The following EPHB1 variants were observed in gnomAD, a reference collection of about 807,000 sequenced individuals.
The protein encoded by EPHB1 is EPH receptor B1.
A neutral mutation model predicts 94.4 loss-of-function variants in EPHB1; 30 were observed. That is an observed-to-expected ratio of 0.32 (90% CI 0.24 to 0.43). The LOEUF is 0.43. EPHB1 is among the 20% of genes least tolerant of loss of function. The probability of loss-of-function intolerance (pLI) is 1.00; values close to 1 mark genes in which losing one functional copy is unlikely to be tolerated. For missense variants in EPHB1, 1,055 were observed against 1,308.3 expected, an observed-to-expected ratio of 0.81 and a Z score of 2.99; for synonymous variants, 522 against 489.1, an observed-to-expected ratio of 1.07 and a Z score of -0.89.
rs145929511 is a variant in EPHB1 at position 135,058,381 on chromosome 3, C to T, written c.806-48067C>T. Among the ~76,000 whole-genome samples, 296 of 152,292 alleles carry T rather than the reference C, an allele frequency of 1.9e-3. 1 individual carries two copies. The highest frequency in any genetic ancestry group is 6.3e-3 in the African/African-American group (260 of 41,552). On this transcript the variant is annotated intron_variant, in intron 3 of 15. Transcript: ENST00000398015. ...CTCCTCTCCTGTCCCTTCCCTGCTACGAATGGGCCCCTGTACATCCTGGGG... is the reference window on the plus strand; with the variant it reads ...CTCCTCTCCTGTCCCTTCCCTGCTATGAATGGGCCCCTGTACATCCTGGGG...
At chr3:134,815,241 A>G (rs1015631921) in intron 1 of EPHB1, among the ~76,000 whole-genome samples, 40 of 152,176 alleles carry the variant, frequency 2.6e-4, no homozygotes, top group Non-Finnish European at 2.5e-4. Flanking sequence ...CCAAATTTGT[A>G]ACTGCATTGT....
At chr3:134,824,047 G>C (rs759557403) in intron 1 of EPHB1, among the ~76,000 whole-genome samples, 1 of 151,526 alleles carries the variant, frequency 6.6e-6, no homozygotes, top group African/African-American at 2.4e-5. Context: ...GAATGCTTCA[G>C]CTTGCAAACT....
chr3:134,951,414 G>A lies in EPHB1; in HGVS notation c.167G>A (p.Arg56His), dbSNP rs1933024328. 7 of 1,597,806 alleles carry A rather than the reference G, an allele frequency of 4.4e-6. No individual in the cohort carries two copies. Among genetic ancestry groups the A allele is most frequent in the East Asian group, 2.2e-5 (1 of 44,680 alleles). The change falls in exon 3 of 16, where the codon CGC becomes CAC. Residue 56 changes from arginine to histidine, a missense_variant. By Grantham distance (29) the Arg-to-His change is conservative. Transcript: ENST00000398015. The surrounding 1 kb of genome is among the most constrained non-coding windows in gnomAD (Gnocchi z 4.5). Reference sequence around the variant, plus strand: ...TACGATGAAAACCTGAACACCATCCGCACCTACCAGGTGTGCAATGTCTTC... The same window carrying A: ...TACGATGAAAACCTGAACACCATCCACACCTACCAGGTGTGCAATGTCTTC... ...SGYDENLNTI[R>H]TYQVCNVFEP...
At chr3:134,874,878 C>G (rs1284185171) in intron 1 of EPHB1, among the ~76,000 whole-genome samples, 3 of 152,224 alleles carry the variant, frequency 2.0e-5, no homozygotes, top group Non-Finnish European at 4.4e-5. Flanking sequence ...GCAGTCATTG[C>G]TAAGCCCTCC....
intron 12 of EPHB1, among the ~76,000 whole-genome samples, chr3:135,236,568 C>A (rs1191009339): frequency 1.3e-5 from 2 of 152,138 alleles, no homozygotes; most frequent in Non-Finnish European, 2.9e-5. Context: ...ACTTTCACAA[C>A]AACCTCAATA....
Position 135,259,957 on chromosome 3 carries a change from G to A in EPHB1, c.*837G>A. 4.3e-6 allele frequency: 1 copy of A among 231,836 alleles called. No homozygotes were observed. The allele number at this position is 231,836 out of a possible 1,614,324, so 14.4% of individuals were successfully genotyped here. ...TGTCCCTAGGAAATCCAAAGGGGCTGGAATATGGTGTTGGTTTGGCTTTCT... is the reference window on the plus strand; with the variant it reads ...TGTCCCTAGGAAATCCAAAGGGGCTAGAATATGGTGTTGGTTTGGCTTTCT... On this transcript the variant is annotated 3_prime_UTR_variant, in exon 16 of 16. Coordinates refer to ENST00000398015, the MANE Select transcript of EPHB1 (RefSeq NM_004441.5).
At chr3:135,104,741 A>G (rs765250214) in intron 3 of EPHB1, among the ~76,000 whole-genome samples, 1 of 152,242 alleles carries the variant, frequency 6.6e-6, no homozygotes, top group Non-Finnish European at 1.5e-5. Flanking sequence ...CGTGGATCCC[A>G]TGGGACACAT....
At chr3:134,844,318 G>A (rs1382852038) in intron 1 of EPHB1, among the ~76,000 whole-genome samples, 1 of 152,174 alleles carries the variant, frequency 6.6e-6, no homozygotes, top group Non-Finnish European at 1.5e-5. Flanking sequence ...TCAAAATTCA[G>A]GTCATTTTGA....
intron 3 of EPHB1, among the ~76,000 whole-genome samples, chr3:135,078,967 G>A (rs1401386586): frequency 1.3e-5 from 2 of 152,050 alleles, no homozygotes; most frequent in Non-Finnish European, 2.9e-5. Context: ...ATTGGGATAA[G>A]AGTTCTTGTG....
intron 1 of EPHB1, among the ~76,000 whole-genome samples, chr3:134,862,190 C>T (rs764051128): frequency 1.1e-4 from 16 of 152,226 alleles, no homozygotes; most frequent in Non-Finnish European, 1.8e-4. Flanking sequence ...GCGCTGGGCT[C>T]AGGGCTGGGA....
chr3:134,826,420 C>T (rs112942612), intron 1 of EPHB1, among the ~76,000 whole-genome samples: 4 of 152,194 alleles, frequency 2.6e-5, no homozygotes, highest in Middle Eastern at 3.4e-3. Context: ...GGGGAAGATA[C>T]GGGCCTCTCC....
intron 1 of EPHB1, among the ~76,000 whole-genome samples, chr3:134,882,736 T>C: frequency 7.1e-6 from 1 of 141,342 alleles, no homozygotes. Flanking sequence ...CTTTCCTTCT[T>C]TCCTTCTTTC....
At chr3:134,959,966 C>CTTTTTTTTTTTTTTTTTTT (rs61369813) in intron 3 of EPHB1, among the ~76,000 whole-genome samples, 4 of 107,378 alleles carry the variant, frequency 3.7e-5, no homozygotes, top group Admixed American at 1.0e-4. Context: ...ACATCTGCAC[C>CTTTTTTTTTTTTTTTTTTT]TTTTTTTTTT....
chr3:134,851,085 C>A (rs948403465), intron 1 of EPHB1, among the ~76,000 whole-genome samples: 6 of 152,228 alleles, frequency 3.9e-5, no homozygotes, highest in Non-Finnish European at 5.9e-5. Context: ...GGGAAAGGTG[C>A]TGGTCCTGTG....
At chr3:135,041,051 A>C (rs980123193) in intron 3 of EPHB1, among the ~76,000 whole-genome samples, 1 of 152,110 alleles carries the variant, frequency 6.6e-6, no homozygotes, top group Admixed American at 6.5e-5. Flanking sequence ...TTTGTGGTGG[A>C]AAGTTCCCTG....
chr3:134,836,263 C>G (rs541010931), intron 1 of EPHB1, among the ~76,000 whole-genome samples: 1 of 152,158 alleles, frequency 6.6e-6, no homozygotes, highest in Non-Finnish European at 1.5e-5. Context: ...GATTTAAACA[C>G]CTATTATACT....
chr3:134,920,059 C>T (rs915472577), intron 1 of EPHB1, among the ~76,000 whole-genome samples: 1 of 152,068 alleles, frequency 6.6e-6, no homozygotes, highest in African/African-American at 2.4e-5. Context: ...ACTGAGGCTG[C>T]CATTGCAGAT....
At chr3:134,973,828 G>A (rs937266916) in intron 3 of EPHB1, among the ~76,000 whole-genome samples, 2 of 152,176 alleles carry the variant, frequency 1.3e-5, no homozygotes, top group African/African-American at 4.8e-5. Flanking sequence ...AAAGCCTTGG[G>A]AGAAAGCATT....
At chr3:135,114,127 T>A (rs1939578807) in intron 4 of EPHB1, among the ~76,000 whole-genome samples, 1 of 152,212 alleles carries the variant, frequency 6.6e-6, no homozygotes, top group Non-Finnish European at 1.5e-5. Context: ...TGTGCACTTA[T>A]CAGTACGATT....
Sources: gnomAD v4.1 joint callset for allele counts (sites outside exome capture counted in the v4.1 genomes callset) on GRCh38, gnomAD v4.1.1 for gene constraint, Gnocchi (gnomAD v3.1) non-coding constraint, MANE v1.5 for transcripts, NCBI Gene and HGNC (gene_info 2026-07-23, HGNC 2026-07-21) for gene names.